ATOSA: variants seen among roughly 807,000 people sequenced by gnomAD.
ATOSA encodes atos homolog A.
the ATOSA span, among the ~76,000 whole-genome samples, chr15:52,583,441 T>G: frequency 1.3e-5 from 2 of 150,522 alleles, no homozygotes; most frequent in African/African-American, 4.9e-5. Flanking sequence ...CTTGCTCCTT[T>G]GCCCAGGCTG....
chr15:52,654,500 CA>C, the ATOSA span, among the ~76,000 whole-genome samples: 1 of 152,140 alleles, frequency 6.6e-6, no homozygotes, highest in African/African-American at 2.4e-5. Flanking sequence ...ATCTGAATAA[CA>C]TGAAATTATA....
At chr15:52,609,595 G>C in the ATOSA span, 2 of 1,612,968 alleles carry the variant, frequency 1.2e-6, no homozygotes, top group Middle Eastern at 1.7e-4. Flanking sequence ...CCCCTCATTG[G>C]TGTCTTCTGG....
chr15:52,630,458 C>G, the ATOSA span, among the ~76,000 whole-genome samples: 1 of 152,152 alleles, frequency 6.6e-6, no homozygotes, highest in African/African-American at 2.4e-5. Flanking sequence ...AGATGTAGAA[C>G]TCCTTAATCA....
the ATOSA span, among the ~76,000 whole-genome samples, chr15:52,604,441 T>C: frequency 1.3e-5 from 2 of 152,344 alleles, no homozygotes; most frequent in East Asian, 1.9e-4. Flanking sequence ...CACATACAAC[T>C]AAAAATACGT....
the ATOSA span, among the ~76,000 whole-genome samples, chr15:52,676,450 A>T: frequency 6.6e-6 from 1 of 152,190 alleles, no homozygotes; most frequent in Non-Finnish European, 1.5e-5. Flanking sequence ...CGTTTGTGAA[A>T]AGCTTATTTC....
chr15:52,687,922 A>G, the ATOSA span, among the ~76,000 whole-genome samples: 6 of 152,180 alleles, frequency 3.9e-5, no homozygotes, highest in African/African-American at 1.4e-4. Flanking sequence ...CTCTGAGCTA[A>G]ATCTTAAGAA....
the ATOSA span, among the ~76,000 whole-genome samples, chr15:52,596,909 T>C: frequency 6.6e-6 from 1 of 152,124 alleles, no homozygotes; most frequent in African/African-American, 2.4e-5. Context: ...GGAAAAAATA[T>C]TTGGAAAACA....
chr15:52,593,850 A>G, the ATOSA span: 2 of 1,023,896 alleles, frequency 2.0e-6, no homozygotes, highest in East Asian at 2.7e-5. Context: ...TAAAAGAAAT[A>G]TATTACTATG....
chr15:52,651,864 A>G, the ATOSA span: 1 of 1,535,422 alleles, frequency 6.5e-7, no homozygotes. Flanking sequence ...ACACTTCACT[A>G]CACACCTTCT....
At chr15:52,664,128 G>C in the ATOSA span, among the ~76,000 whole-genome samples, 1 of 152,144 alleles carries the variant, frequency 6.6e-6, no homozygotes, top group Non-Finnish European at 1.5e-5. Context: ...TCTGCCTTGT[G>C]CTCAGTCCTT....
At chr15:52,635,142 T>C in the ATOSA span, among the ~76,000 whole-genome samples, 3 of 152,154 alleles carry the variant, frequency 2.0e-5, no homozygotes, top group Non-Finnish European at 4.4e-5. Context: ...AGCTTCAAAA[T>C]GTACGAAGCA....
chr15:52,610,104 T>C, the ATOSA span: 1 of 1,614,040 alleles, frequency 6.2e-7, no homozygotes, highest in East Asian at 2.2e-5. Context: ...TCCAAGTTTG[T>C]TTGCTACACA....
the ATOSA span, among the ~76,000 whole-genome samples, chr15:52,698,494 C>G: frequency 6.6e-6 from 1 of 152,052 alleles, no homozygotes; most frequent in Non-Finnish European, 1.5e-5. Context: ...TGAAACAATC[C>G]AAATGCTCAA....
At chr15:52,596,381 C>T in the ATOSA span, among the ~76,000 whole-genome samples, 1 of 152,080 alleles carries the variant, frequency 6.6e-6, no homozygotes, top group East Asian at 1.9e-4. Flanking sequence ...TGAGAAAGAA[C>T]AATAAAGTTA....
At chr15:52,679,923 G>T in the ATOSA span, among the ~76,000 whole-genome samples, 10 of 150,700 alleles carry the variant, frequency 6.6e-5, no homozygotes, top group East Asian at 6.0e-4. Context: ...TGACCGGGAC[G>T]GGGGGTGGGC....
the ATOSA span, among the ~76,000 whole-genome samples, chr15:52,592,759 G>A: frequency 2.0e-5 from 3 of 152,350 alleles, no homozygotes; most frequent in East Asian, 5.8e-4. Flanking sequence ...TTGCATGTGG[G>A]CTGTAGGCCG....
the ATOSA span, chr15:52,605,290 C>A: frequency 1.5e-6 from 2 of 1,332,794 alleles, no homozygotes; most frequent in African/African-American, 3.0e-5. Context: ...ATTTAAATAC[C>A]ATTTAAAGAA....
At chr15:52,594,340 T>TC in the ATOSA span, among the ~76,000 whole-genome samples, 533 of 152,234 alleles carry the variant, frequency 3.5e-3, 3 homozygotes, top group African/African-American at 0.011. Flanking sequence ...TATCCATCCC[T>TC]CCCCCAAGGT....
chr15:52,582,854 CAAAACTGTATAT>C, the ATOSA span, among the ~76,000 whole-genome samples: 1 of 152,200 alleles, frequency 6.6e-6, no homozygotes, highest in Non-Finnish European at 1.5e-5. Flanking sequence ...AAATGGCTAT[CAAAACTGTATAT>C]GAAACTGTTT....
Sources: allele counts gnomAD v4.1 joint callset (sites outside exome capture counted in the v4.1 genomes callset), GRCh38; gene constraint gnomAD v4.1.1; transcripts MANE v1.5; gene names NCBI Gene and HGNC (gene_info 2026-07-23, HGNC 2026-07-21).